TMC3: variants seen among roughly 807,000 people sequenced by gnomAD.
The protein encoded by TMC3 is transmembrane channel-like protein 3.
A neutral mutation model predicts 110.6 loss-of-function variants in TMC3; 98 were observed. That is an observed-to-expected ratio of 0.89 (90% CI 0.75 to 1.05). TMC3 has a LOEUF of 1.05. Ranked by LOEUF, TMC3 falls within the 50% of genes least tolerant of loss-of-function variation. TMC3 has a pLI of 0.00. For missense variants in TMC3, 1,319 were observed against 1,373.2 expected, an observed-to-expected ratio of 0.96 and a Z score of 0.62; for synonymous variants, 489 against 513.1, an observed-to-expected ratio of 0.95 and a Z score of 0.63.
intron 16 of TMC3, 41 bp downstream of exon 16, chr15:81,341,349 A>G: frequency 6.4e-7 from 1 of 1,573,032 alleles, no homozygotes; most frequent in Non-Finnish European, 8.6e-7. Flanking sequence ...ATATATATGT[A>G]TATATAGTTA....
At chr15:81,341,756 GT>G (rs1893722007) in intron 15 of TMC3, 1 of 285,964 alleles carries the variant, frequency 3.5e-6, no homozygotes, top group South Asian at 6.5e-5. Flanking sequence ...AAGGACAACT[GT>G]TTGTCTCTCT....
intron 21 of TMC3, 39 bp from the exon 22 acceptor site, chr15:81,333,301 G>A (rs752950243): frequency 1.6e-5 from 25 of 1,567,070 alleles, no homozygotes; most frequent in Admixed American, 5.3e-5. Flanking sequence ...TGGCCTTGGT[G>A]GTCTCAGAGC....
At chr15:81,343,187 T>C in intron 15 of TMC3, 91 bp downstream of exon 15, 1 of 727,446 alleles carries the variant, frequency 1.4e-6, no homozygotes, top group Non-Finnish European at 2.5e-6. Context: ...TATGTAACTG[T>C]GTTATGGTCG....
chr15:81,365,663 T>C, intron 3 of TMC3, among the ~76,000 whole-genome samples: 1 of 116,218 alleles, frequency 8.6e-6, no homozygotes, highest in Admixed American at 9.6e-5. Flanking sequence ...AGAGCAAGAC[T>C]CTGTCTCAAA....
At chr15:81,340,605 AAT>A (rs1305413987) in intron 16 of TMC3, among the ~76,000 whole-genome samples, 1 of 152,222 alleles carries the variant, frequency 6.6e-6, no homozygotes, top group Non-Finnish European at 1.5e-5. Flanking sequence ...CAGTTAAAAG[AAT>A]AAGTGTTGGC....
At chr15:81,342,504 AAATG>A (rs1893735790) in intron 15 of TMC3, among the ~76,000 whole-genome samples, 1 of 152,246 alleles carries the variant, frequency 6.6e-6, no homozygotes. Context: ...ACTATTAAAT[AAATG>A]TCACCTATTA....
At chr15:81,365,373 T>G (rs952505672) in intron 3 of TMC3, among the ~76,000 whole-genome samples, 3 of 152,214 alleles carry the variant, frequency 2.0e-5, no homozygotes, top group Non-Finnish European at 2.9e-5. Context: ...AAGTATGCTC[T>G]TAAGAAACAG....
chr15:81,336,899 A>T (rs1194039239), intron 19 of TMC3, among the ~76,000 whole-genome samples: 1 of 152,200 alleles, frequency 6.6e-6, no homozygotes, highest in Non-Finnish European at 1.5e-5. Flanking sequence ...TAATTAACAG[A>T]CCATGTTTAG....
intron 1 of TMC3, 129 bp from the exon 2 acceptor site, chr15:81,372,866 T>TGTGA: frequency 1.3e-6 from 1 of 794,458 alleles, no homozygotes; most frequent in Non-Finnish European, 1.9e-6. Flanking sequence ...TGTATGTGTT[T>TGTGA]GTGCGTGTGT....
intron 3 of TMC3, among the ~76,000 whole-genome samples, chr15:81,365,248 G>A (rs910740052): frequency 6.6e-6 from 1 of 152,022 alleles, no homozygotes; most frequent in Non-Finnish European, 1.5e-5. Context: ...TGGGAGAGGA[G>A]GGGAAAATGA....
chr15:81,352,468 C>A (rs1473307342), intron 9 of TMC3, among the ~76,000 whole-genome samples: 1 of 152,078 alleles, frequency 6.6e-6, no homozygotes, highest in African/African-American at 2.4e-5. Flanking sequence ...TACTGCACTG[C>A]CAGTTGTATA....
chr15:81,343,830 C>T, intron 14 of TMC3, 87 bp downstream of exon 14: 1 of 1,446,750 alleles, frequency 6.9e-7, no homozygotes. Flanking sequence ...TCCCCCTCAA[C>T]TATGCTGGAC....
At position 81,339,083 on chromosome 15, in the gene TMC3, T is replaced by G. The variant is rs568132637; in HGVS notation, c.1956-303A>C. ...AGCTGGATAATATAGGAAAAAAAAGTGCTGTGCACTGTGGTTTAATAAAAG... is the reference window on the plus strand; with the variant it reads ...AGCTGGATAATATAGGAAAAAAAAGGGCTGTGCACTGTGGTTTAATAAAAG... On this transcript the variant is annotated intron_variant, in intron 17 of 21. Coordinates refer to ENST00000359440, the MANE Select transcript of TMC3 (RefSeq NM_001080532.3). Among the ~76,000 whole-genome samples the G allele has an allele frequency of 2.0e-4, 31 of 152,338 alleles. No homozygotes were observed. In the South Asian group the frequency reaches 6.4e-3, roughly 32 times the overall value.
intron 13 of TMC3, among the ~76,000 whole-genome samples, 188 bp from the exon 14 acceptor site, chr15:81,344,233 T>C (rs992951310): frequency 6.6e-6 from 1 of 152,178 alleles, no homozygotes; most frequent in African/African-American, 2.4e-5. Flanking sequence ...ACATAATGGG[T>C]GTTCAATAAA....
In TMC3 at chr15:81,338,650, C is replaced by T. The variant is rs770442588; in HGVS notation, c.2081+5G>A. 3.5e-5 allele frequency: 57 copies of T among 1,613,698 alleles called. No individual in the cohort carries two copies. Among genetic ancestry groups the T allele is most frequent in the Admixed American group, 1.7e-5 (1 of 59,970 alleles). Reference sequence around the variant, plus strand: ...CCCTCCAAAGCTGGCAGGTGTGGTACTCACAAAAGCAGGAGTACTGCGGGC... The same window carrying T: ...CCCTCCAAAGCTGGCAGGTGTGGTATTCACAAAAGCAGGAGTACTGCGGGC... On this transcript the variant is annotated splice_donor_5th_base_variant and intron_variant, in intron 18 of 21. Transcript: ENST00000359440.
At chr15:81,368,643 T>G (rs1033425011) in intron 2 of TMC3, among the ~76,000 whole-genome samples, 3 of 152,166 alleles carry the variant, frequency 2.0e-5, no homozygotes, top group Non-Finnish European at 4.4e-5. Context: ...ATTCTGAGCT[T>G]TGGAAATCCT....
rs776563996 is a variant in TMC3 at position 81,343,924 on chromosome 15, C to A, written c.1640G>T (p.Ser547Ile). The stretch of plus-strand genomic sequence containing the variant: ...ACACAGCATTTTACTTACAAACTTG[C>A]TCTCCAGATCCCAACACCAGTAGTC... ...LSDYWCWDLE[S>I]KFPEYGEFKI... is the part of the protein sequence containing the mutation. The change falls in exon 14 of 22, where the codon AGC (serine) becomes ATC (isoleucine). Residue 547 changes from serine to isoleucine, a missense_variant. Transcript: ENST00000359440. The A allele has an allele frequency of 4.3e-6, 7 of 1,611,982 alleles. No homozygotes were observed. The East Asian group carries it at 1.6e-4, about 36-fold the overall frequency.
At chr15:81,372,865 TTGTGCG>T in intron 1 of TMC3, 128 bp from the exon 2 acceptor site, 1 of 579,550 alleles carries the variant, frequency 1.7e-6, no homozygotes, top group Non-Finnish European at 2.9e-6. Context: ...GTGTATGTGT[TTGTGCG>T]TGTGTGTGTG....
intron 13 of TMC3, 107 bp downstream of exon 13, chr15:81,344,659 G>T: frequency 8.6e-7 from 1 of 1,167,356 alleles, no homozygotes; most frequent in Non-Finnish European, 1.2e-6. Context: ...AAACCTCACT[G>T]AACTTTTCTT....
Sources: gnomAD v4.1 joint callset for allele counts (sites outside exome capture counted in the v4.1 genomes callset) on GRCh38, gnomAD v4.1.1 for gene constraint, MANE v1.5 for transcripts, NCBI Gene and HGNC (gene_info 2026-07-23, HGNC 2026-07-21) for gene names.